Variants in DENND10 observed in about 807,000 individuals in gnomAD.
DENND10 encodes DENN domain containing 10.
A neutral mutation model predicts 43.6 loss-of-function variants in DENND10; 24 were observed. The observed-to-expected ratio is 0.55, with a 90% confidence interval of 0.40 to 0.77. The LOEUF is 0.77. Among genes scored for constraint, DENND10 ranks in the 30% least tolerant of loss-of-function variants. DENND10 has a pLI of 0.00. For synonymous variants in DENND10, 125 were observed against 157.6 expected (o/e 0.79, Z 1.55); for missense variants, 303 against 429.9 (o/e 0.70, Z 2.61).
chr10:119,130,685 C>A (rs1241282667), intron 7 of DENND10, among the ~76,000 whole-genome samples: 1 of 152,148 alleles, frequency 6.6e-6, no homozygotes, highest in Non-Finnish European at 1.5e-5. Context: ...TCACGATATC[C>A]CAGAGCCACA....
intron 6 of DENND10, among the ~76,000 whole-genome samples, chr10:119,126,720 C>T (rs554693367): frequency 6.6e-6 from 1 of 152,130 alleles, no homozygotes; most frequent in East Asian, 1.9e-4. Context: ...CTGCCTTGAC[C>T]TCCCAAAGTT....
intron 5 of DENND10, among the ~76,000 whole-genome samples, chr10:119,122,271 G>A (rs1009021108): frequency 1.3e-5 from 2 of 152,164 alleles, no homozygotes; most frequent in African/African-American, 4.8e-5. Flanking sequence ...TCACGTCACT[G>A]CACCCCAGCC....
chr10:119,121,163 G>T (rs1365272910), intron 5 of DENND10, among the ~76,000 whole-genome samples: 1 of 151,818 alleles, frequency 6.6e-6, no homozygotes, highest in East Asian at 1.9e-4. Context: ...TGCCAGGAGG[G>T]TCAGTTCAGG....
intron 3 of DENND10, among the ~76,000 whole-genome samples, 170 bp from the exon 4 acceptor site, chr10:119,117,349 G>A (rs1845339430): frequency 6.6e-6 from 1 of 152,050 alleles, no homozygotes; most frequent in Non-Finnish European, 1.5e-5. Context: ...TCCAGCCCGG[G>A]CGACAGAGTG....
chr10:119,128,557 G>A (rs553344252), intron 6 of DENND10, among the ~76,000 whole-genome samples: 5 of 150,956 alleles, frequency 3.3e-5, no homozygotes, highest in South Asian at 4.2e-4. Flanking sequence ...GCGGTGAGCC[G>A]AGATCATGCT....
intron 3 of DENND10, among the ~76,000 whole-genome samples, chr10:119,116,171 T>C (rs1284791731): frequency 1.3e-5 from 2 of 152,192 alleles, no homozygotes; most frequent in African/African-American, 2.4e-5. Flanking sequence ...CAAAATTTAA[T>C]TTTAGTTGCT....
intron 5 of DENND10, among the ~76,000 whole-genome samples, chr10:119,122,443 G>A (rs1845620171): frequency 6.6e-6 from 1 of 152,186 alleles, no homozygotes; most frequent in Admixed American, 6.6e-5. Context: ...TACCTAGCCT[G>A]TAAGACACAC....
At chr10:119,104,433 C>T (rs1290974981) in intron 1 of DENND10, among the ~76,000 whole-genome samples, 3 of 151,316 alleles carry the variant, frequency 2.0e-5, no homozygotes, top group East Asian at 3.9e-4. Context: ...CTGCCCGGCC[C>T]GAGGGAGCCC....
rs541065305 is a variant in DENND10, at chr10:119,117,806, A to C, written c.481+139A>C. ...CATGGTGAAACCTCGTCTCCACTAA[A>C]AATACAAAAAATTAGCCGGGCGTGG... On this transcript the variant is annotated intron_variant, in intron 4 of 8. Coordinates refer to ENST00000361432, the MANE Select transcript of DENND10 (RefSeq NM_207009.4). The C allele has an allele frequency of 4.8e-5, 37 of 769,010 alleles. No homozygotes were observed. In the African/African-American group the frequency reaches 5.1e-4, roughly 11 times the overall value. The allele number at this position is 769,010 out of a possible 1,614,324, so 47.6% of individuals were successfully genotyped here.
At chr10:119,111,157 G>A (rs982796121) in intron 2 of DENND10, among the ~76,000 whole-genome samples, 15 of 151,030 alleles carry the variant, frequency 9.9e-5, no homozygotes, top group Non-Finnish European at 1.8e-4. Flanking sequence ...CTACTTGGGA[G>A]CTTGGGAGGC....
At position 119,132,802 on chromosome 10, in the gene DENND10, T is replaced by G; in HGVS notation, c.897+193T>G. 1.7e-6 allele frequency: 1 copy of G among 592,282 alleles called. No individual in the cohort carries two copies. The highest frequency in any genetic ancestry group is 2.0e-5 in the South Asian group (1 of 50,088). 36.7% of individuals were successfully genotyped at this position (592,282 alleles called of 1,614,324 possible). A position where few individuals can be genotyped will look rare whatever the true frequency, so the allele number is the denominator to read the frequency against. On this transcript the variant is annotated intron_variant, in intron 8 of 8. Coordinates refer to ENST00000361432, the MANE Select transcript of DENND10 (RefSeq NM_207009.4). This position sits in a 1 kb window ranked among gnomAD's most constrained non-coding sequence, Gnocchi z 4.2. ...AGGCTGGCCTGATCTAGTTAGTTAC[T>G]GGGCTCGAGGGCAGGTATACACAGG... is the stretch of plus-strand genomic sequence containing the variant.
At chr10:119,114,191 G>C (rs1845128383) in intron 3 of DENND10, 1 of 152,194 alleles carries the variant, frequency 6.6e-6, no homozygotes, top group South Asian at 2.1e-4. Context: ...GCTACTGCCA[G>C]CCGCCTCCTC....
intron 8 of DENND10, 102 bp from the exon 9 acceptor site, chr10:119,136,369 A>G: frequency 7.3e-7 from 1 of 1,369,068 alleles, no homozygotes; most frequent in Non-Finnish European, 9.9e-7. Context: ...CTCATTTTTC[A>G]TAGTTTATAA....
rs116079519 is a variant in DENND10, at chr10:119,117,405, C to T, written c.333-114C>T. On this transcript the variant is annotated intron_variant, in intron 3 of 8. Coordinates refer to ENST00000361432, the MANE Select transcript of DENND10 (RefSeq NM_207009.4). ...CAGAAGAGTGAAGCATTCAGAAGGG[C>T]AGTAGCAAGGTGGCCTCGGATTCTT... 5.8e-4 allele frequency: 607 copies of T among 1,047,902 alleles called. 2 individuals are homozygous for T. The African/African-American group carries it at 8.5e-3, about 15-fold the overall frequency. The allele number at this position is 1,047,902 out of a possible 1,614,324, so 64.9% of individuals were successfully genotyped here.
In DENND10 at chr10:119,136,881, C is replaced by T. The variant is rs1351860405; in HGVS notation, c.*234C>T. On this transcript the variant is annotated 3_prime_UTR_variant, in exon 9 of 9. Coordinates refer to ENST00000361432, the MANE Select transcript of DENND10 (RefSeq NM_207009.4). ...GTCAGTGCTGGACGAAGTGCTATAACTACTTTATGTAACATTACAGAACAG... is the reference window on the plus strand; with the variant it reads ...GTCAGTGCTGGACGAAGTGCTATAATTACTTTATGTAACATTACAGAACAG... 4.9e-6 allele frequency: 2 copies of T among 412,078 alleles called. No homozygotes were observed. The highest frequency in any genetic ancestry group is 4.5e-6 in the Non-Finnish European group (1 of 221,440). The allele number at this position is 412,078 out of a possible 1,614,324, so 25.5% of individuals were successfully genotyped here. A position where few individuals can be genotyped will look rare whatever the true frequency, so the allele number is the denominator to read the frequency against.
At chr10:119,125,223 C>T (rs1221904818) in intron 6 of DENND10, among the ~76,000 whole-genome samples, 2 of 152,094 alleles carry the variant, frequency 1.3e-5, no homozygotes, top group African/African-American at 2.4e-5. Flanking sequence ...CCACCCACCT[C>T]AGGCTCCCAA....
intron 2 of DENND10, among the ~76,000 whole-genome samples, chr10:119,109,094 TA>T (rs1376897937): frequency 1.3e-5 from 2 of 150,690 alleles, no homozygotes; most frequent in Admixed American, 1.3e-4. Context: ...CGCATGCCTG[TA>T]ATCCCAGCTA....
chr10:119,104,263 G>T, intron 1 of DENND10, 66 bp downstream of exon 1: 1 of 1,408,892 alleles, frequency 7.1e-7, no homozygotes, highest in Non-Finnish European at 9.4e-7. Context: ...ACCTCGGCCC[G>T]GGGCAGCCCG....
Position 119,123,380 on chromosome 10 carries a change from A to G in DENND10, c.594-89A>G, listed in dbSNP as rs1845667126. 8.5e-6 allele frequency: 8 copies of G among 937,360 alleles called. 1 individual carries two copies. The highest frequency in any genetic ancestry group is 1.0e-5 in the Non-Finnish European group (6 of 588,600). 58.1% of individuals were successfully genotyped at this position (937,360 alleles called of 1,614,324 possible). ...ATTAGCTGTAGACTCTACCCTCTTC[A>G]TTTCCTTCTCAGGAAGAGGAGAAGG... On this transcript the variant is annotated intron_variant, in intron 5 of 8. Coordinates refer to ENST00000361432, the MANE Select transcript of DENND10 (RefSeq NM_207009.4).
Sources: allele counts gnomAD v4.1 joint callset (sites outside exome capture counted in the v4.1 genomes callset), GRCh38; gene constraint gnomAD v4.1.1; non-coding constraint Gnocchi (gnomAD v3.1); transcripts MANE v1.5; gene names NCBI Gene and HGNC (gene_info 2026-07-23, HGNC 2026-07-21).